RBM47: variants seen among roughly 807,000 people sequenced by gnomAD.
The protein encoded by RBM47 is RNA binding motif protein 47, also known as RNA-binding protein 47.
A neutral mutation model predicts 47.1 loss-of-function variants in RBM47; 21 were observed. That is an observed-to-expected ratio of 0.45 (90% CI 0.32 to 0.64). The LOEUF (loss-of-function observed/expected upper bound fraction) is 0.64. Among genes scored for constraint, RBM47 ranks in the 30% least tolerant of loss-of-function variants. The probability of loss-of-function intolerance (pLI) is 0.05; values close to 1 mark genes in which losing one functional copy is unlikely to be tolerated. For synonymous variants in RBM47, 375 were observed against 361.7 expected, an observed-to-expected ratio of 1.04 and a Z score of -0.42; for missense variants, 708 against 870.9, an observed-to-expected ratio of 0.81 and a Z score of 2.35.
intron 1 of RBM47, among the ~76,000 whole-genome samples, chr4:40,588,034 A>C (rs1253938339): frequency 3.9e-5 from 6 of 151,930 alleles, no homozygotes. Flanking sequence ...TTGCCTGGCC[A>C]GTTCATGGGG....
chr4:40,577,982 A>C (rs941035312), intron 1 of RBM47, among the ~76,000 whole-genome samples: 2 of 152,046 alleles, frequency 1.3e-5, no homozygotes, highest in Non-Finnish European at 2.9e-5. Context: ...CTCTTCTCTT[A>C]AAAAAAGAAA....
chr4:40,500,310 T>TA (rs1723178042), intron 2 of RBM47, among the ~76,000 whole-genome samples: 1 of 127,430 alleles, frequency 7.8e-6, no homozygotes, highest in African/African-American at 3.1e-5. Context: ...CCAGACTTCG[T>TA]CCCCCCCCAA....
At chr4:40,464,721 A>T (rs1444603187) in intron 3 of RBM47, among the ~76,000 whole-genome samples, 1 of 151,652 alleles carries the variant, frequency 6.6e-6, no homozygotes. Context: ...CCCCGTCTCT[A>T]TTAAAAATAC....
chr4:40,445,634 G>T (rs1030741442), intron 3 of RBM47, among the ~76,000 whole-genome samples: 2 of 152,138 alleles, frequency 1.3e-5, no homozygotes, highest in Non-Finnish European at 2.9e-5. Flanking sequence ...GAGAATTGAG[G>T]TATTTGTACT....
intron 2 of RBM47, among the ~76,000 whole-genome samples, chr4:40,540,138 T>C (rs1248358660): frequency 6.6e-6 from 1 of 152,140 alleles, no homozygotes; most frequent in Non-Finnish European, 1.5e-5. Context: ...ACCATCTAAC[T>C]TCAGGTGCCA....
chr4:40,496,604 T>A (rs1722626639), intron 2 of RBM47, among the ~76,000 whole-genome samples: 1 of 152,188 alleles, frequency 6.6e-6, no homozygotes, highest in African/African-American at 2.4e-5. Flanking sequence ...CTCTGTTTCC[T>A]CTCTACCAGC....
At chr4:40,517,265 G>A (rs1031109945) in intron 2 of RBM47, among the ~76,000 whole-genome samples, 8 of 152,098 alleles carry the variant, frequency 5.3e-5, no homozygotes, top group Admixed American at 3.3e-4. Context: ...CTCCTGCGTA[G>A]CTGGGATTAT....
chr4:40,575,693 GAGTGACCAA>G (rs1397779911), intron 1 of RBM47, among the ~76,000 whole-genome samples: 1 of 152,142 alleles, frequency 6.6e-6, no homozygotes, highest in Non-Finnish European at 1.5e-5. Flanking sequence ...CTGTGTGTCT[GAGTGACCAA>G]CCCATGCCAG....
chr4:40,460,705 T>C (rs1472127156), intron 3 of RBM47, among the ~76,000 whole-genome samples: 1 of 151,748 alleles, frequency 6.6e-6, no homozygotes, highest in Admixed American at 6.6e-5. Context: ...CTGGCCCACA[T>C]AGCAAAACCC....
At chr4:40,449,524 C>T (rs1302455499) in intron 3 of RBM47, among the ~76,000 whole-genome samples, 1 of 152,202 alleles carries the variant, frequency 6.6e-6, no homozygotes, top group Non-Finnish European at 1.5e-5. Flanking sequence ...TTTCTATCAA[C>T]ACACACCTGA....
intron 3 of RBM47, among the ~76,000 whole-genome samples, chr4:40,446,285 C>T (rs1431298240): frequency 3.3e-5 from 5 of 152,168 alleles, no homozygotes; most frequent in Admixed American, 3.3e-4. Flanking sequence ...CACAGAGAGG[C>T]TAAGTAGATT....
chr4:40,482,081 T>C (rs911906018), intron 2 of RBM47, among the ~76,000 whole-genome samples: 2 of 152,148 alleles, frequency 1.3e-5, no homozygotes, highest in African/African-American at 2.4e-5. Flanking sequence ...CTTGGAGAGA[T>C]CATTAAATGT....
intron 1 of RBM47, among the ~76,000 whole-genome samples, chr4:40,581,442 A>AAATAAATAAAT (rs1180097012): frequency 7.1e-6 from 1 of 141,040 alleles, no homozygotes; most frequent in Admixed American, 6.9e-5. Context: ...AATAATAAAT[A>AAATAAATAAAT]AATAAATAAA....
At chr4:40,563,728 G>A (rs540657444) in intron 1 of RBM47, among the ~76,000 whole-genome samples, 23 of 152,296 alleles carry the variant, frequency 1.5e-4, no homozygotes, top group East Asian at 1.3e-3. Context: ...ACCCCTTTCC[G>A]TGTGGCTGTG....
intron 1 of RBM47, among the ~76,000 whole-genome samples, chr4:40,582,748 G>A (rs1017660642): frequency 2.0e-5 from 3 of 152,084 alleles, no homozygotes; most frequent in African/African-American, 7.2e-5. Context: ...CCCTCTACCT[G>A]TTTCTTCTTC....
At chr4:40,461,327 A>G (rs1463437813) in intron 3 of RBM47, among the ~76,000 whole-genome samples, 2 of 152,232 alleles carry the variant, frequency 1.3e-5, no homozygotes, top group Non-Finnish European at 2.9e-5. Context: ...TCAGGCTCAC[A>G]GGGAAATACT....
chr4:40,488,777 A>G (rs1034776319), intron 2 of RBM47, among the ~76,000 whole-genome samples: 3 of 152,206 alleles, frequency 2.0e-5, no homozygotes, highest in African/African-American at 4.8e-5. Context: ...CTGACCTAAC[A>G]ACAACAACCA....
chr4:40,488,604 T>C (rs1269465697), intron 2 of RBM47, among the ~76,000 whole-genome samples: 2 of 152,158 alleles, frequency 1.3e-5, no homozygotes, highest in African/African-American at 4.8e-5. Context: ...CAACCGCAAG[T>C]GAGAAGTGTA....
intron 1 of RBM47, among the ~76,000 whole-genome samples, chr4:40,570,753 A>C (rs2154268667): frequency 6.6e-6 from 1 of 152,214 alleles, no homozygotes; most frequent in East Asian, 1.9e-4. Context: ...ATAAGAACAA[A>C]GAAATATCTA....
Sources: gnomAD v4.1 joint callset for allele counts (sites outside exome capture counted in the v4.1 genomes callset) on GRCh38, gnomAD v4.1.1 for gene constraint, MANE v1.5 for transcripts, NCBI Gene and HGNC (gene_info 2026-07-23, HGNC 2026-07-21) for gene names.